Variants in TOMM40 observed in about 807,000 individuals in gnomAD.
TOMM40 encodes mitochondrial import receptor subunit TOM40 homolog.
Under a neutral mutation model 38.4 loss-of-function variants are expected in TOMM40, and 9 were observed. That is an observed-to-expected ratio of 0.23 (90% CI 0.14 to 0.41). TOMM40 has a LOEUF of 0.41. Ranked by LOEUF, TOMM40 falls within the 10% of genes least tolerant of loss-of-function variation. The pLI is 1.00. For missense variants in TOMM40, 299 were observed against 486.5 expected (o/e 0.61, Z 3.63); for synonymous variants, 184 against 210.0 (o/e 0.88, Z 1.07).
At position 44,903,274 on chromosome 19, in the gene TOMM40, TG is replaced by T; in HGVS notation, c.*110del. 8.4e-7 allele frequency: 1 copy of T among 1,194,688 alleles called. No individual in the cohort carries two copies. Among genetic ancestry groups the T allele is most frequent in the Admixed American group, 3.3e-5 (1 of 30,598 alleles). The allele number at this position is 1,194,688 out of a possible 1,614,324, so 74.0% of individuals were successfully genotyped here. On this transcript the variant is annotated 3_prime_UTR_variant, in exon 9 of 9. Transcript: ENST00000426677. ...AGCCCCCCTCCCTTCCCTCCCCCCT[TG>T]GGGGTCGGGGGGGACATTGGAAAGG...
chr19:44,891,560 A>C lies in TOMM40; in HGVS notation c.145A>C (p.Ser49Arg). ...GGGAGGCAGCCTGGGCGCCGGCACC[A>C]GTACGAGTCGAAGTTCGGAACGGAC... The part of the protein sequence containing the change: ...PLGGSLGAGT[S>R]TSRSSERTPG... Residue 49 changes from serine to arginine, a missense_variant, in exon 1 of 9, where the codon AGT (serine) becomes CGT (arginine). Coordinates refer to ENST00000426677, the MANE Select transcript of TOMM40 (RefSeq NM_001128917.2). 2 of 1,437,656 alleles carry C rather than the reference A, an allele frequency of 1.4e-6. No homozygotes were observed. The highest frequency in any genetic ancestry group is 1.8e-6 in the Non-Finnish European group (2 of 1,094,736). The allele number at this position is 1,437,656 out of a possible 1,614,324, so 89.1% of individuals were successfully genotyped here.
chr19:44,900,684 C>T, intron 5 of TOMM40, 46 bp from the exon 6 acceptor site: 2 of 1,611,474 alleles, frequency 1.2e-6, no homozygotes, highest in South Asian at 1.1e-5. Flanking sequence ...TGGAGTCTAG[C>T]CTGGCACTCA....
At chr19:44,898,525 C>CTTTTTTTTTTTTTTTT (rs71173106) in intron 5 of TOMM40, among the ~76,000 whole-genome samples, 32 of 88,986 alleles carry the variant, frequency 3.6e-4, no homozygotes, top group Admixed American at 5.6e-4. Flanking sequence ...TTTTTTTTTT[C>CTTTTTTTTTTTTTTTT]TTTTTTTTTT....
intron 2 of TOMM40, 145 bp from the exon 3 acceptor site, chr19:44,892,692 G>T (rs891197844): frequency 2.5e-6 from 2 of 785,282 alleles, no homozygotes. Flanking sequence ...TGGGCCTACC[G>T]GCAGCACCTC....
At chr19:44,891,798 G>T in intron 1 of TOMM40, 109 bp downstream of exon 1, 1 of 1,146,936 alleles carries the variant, frequency 8.7e-7, no homozygotes, top group Non-Finnish European at 1.1e-6. Flanking sequence ...TTATTTAACA[G>T]CACTAGGAGG....
At chr19:44,900,692 T>C in intron 5 of TOMM40, 38 bp from the exon 6 acceptor site, 1 of 1,611,654 alleles carries the variant, frequency 6.2e-7, no homozygotes, top group Non-Finnish European at 8.5e-7. Context: ...AGCCTGGCAC[T>C]CAGGGTGGGT....
At chr19:44,896,120 G>A (rs1184954111) in intron 5 of TOMM40, among the ~76,000 whole-genome samples, 8 of 152,158 alleles carry the variant, frequency 5.3e-5, no homozygotes, top group South Asian at 2.1e-4. Context: ...CGCCTCGCTC[G>A]CCTGGTCCTT....
intron 5 of TOMM40, among the ~76,000 whole-genome samples, chr19:44,894,910 G>T (rs958985930): frequency 1.3e-5 from 2 of 152,218 alleles, no homozygotes; most frequent in Non-Finnish European, 2.9e-5. Context: ...GTAGAGAGCA[G>T]ACTCCAAAGG....
At chr19:44,892,321 G>T in intron 1 of TOMM40, 72 bp from the exon 2 acceptor site, 1 of 1,422,342 alleles carries the variant, frequency 7.0e-7, no homozygotes, top group Non-Finnish European at 9.9e-7. Context: ...GAGAGCTGGG[G>T]GTGGTAGGGA....
Position 44,891,268 on chromosome 19 carries a change from G to T in TOMM40, c.-148G>T. ...GGCAGCGGGTTCGGTTGCGCGTGGC[G>T]CACGGGGTGGGAGCGGAGCCCAGGC... On this transcript the variant is annotated 5_prime_UTR_variant, in exon 1 of 9. Coordinates refer to ENST00000426677, the MANE Select transcript of TOMM40 (RefSeq NM_001128917.2). 4.4e-6 allele frequency: 5 copies of T among 1,129,618 alleles called. No homozygotes were observed. The South Asian group carries it at 1.8e-4, about 40-fold the overall frequency. 70.0% of individuals were successfully genotyped at this position (1,129,618 alleles called of 1,614,324 possible).
chr19:44,893,030 C>A, intron 3 of TOMM40, 101 bp downstream of exon 3: 1 of 943,614 alleles, frequency 1.1e-6, no homozygotes. Context: ...TCACAGCTAC[C>A]GAGAGCCTGG....
At chr19:44,898,480 C>T (rs1315498548) in intron 5 of TOMM40, among the ~76,000 whole-genome samples, 3 of 149,430 alleles carry the variant, frequency 2.0e-5, no homozygotes, top group Non-Finnish European at 3.0e-5. Flanking sequence ...CCTCTTCCCC[C>T]TTCATTTCTG....
At chr19:44,896,879 A>G (rs1969575671) in intron 5 of TOMM40, among the ~76,000 whole-genome samples, 1 of 152,004 alleles carries the variant, frequency 6.6e-6, no homozygotes, top group South Asian at 2.1e-4. Flanking sequence ...ACATAGCAAT[A>G]CCCTGTCTCT....
Position 44,897,231 on chromosome 19 carries a change from G to A in TOMM40, c.643+3165G>A, listed in dbSNP as rs557614562. Among the ~76,000 whole-genome samples, 6 of 152,222 alleles carry A rather than the reference G, an allele frequency of 3.9e-5. No individual in the cohort carries two copies. The South Asian group carries it at 1.0e-3, about 26-fold the overall frequency. On this transcript the variant is annotated intron_variant, in intron 5 of 8. Coordinates refer to ENST00000426677, the MANE Select transcript of TOMM40 (RefSeq NM_001128917.2). The stretch of plus-strand genomic sequence containing the variant: ...GGAGGCTGTGGGTAGAGAAACTGGG[G>A]GGGTGGCCCAGGAGATGGGAAGGAT...
chr19:44,901,421 C>A, intron 8 of TOMM40, 111 bp downstream of exon 8: 3 of 1,514,190 alleles, frequency 2.0e-6, no homozygotes, highest in South Asian at 1.3e-5. Context: ...ACCCTGTGGG[C>A]CTCCACATTA....
intron 1 of TOMM40, 105 bp from the exon 2 acceptor site, chr19:44,892,288 A>T (rs1969481006): frequency 4.6e-6 from 5 of 1,084,692 alleles, no homozygotes; most frequent in South Asian, 1.3e-5. Flanking sequence ...CCTTTGTGAG[A>T]TGTTCTGCTG....
chr19:44,902,977 G>C, intron 8 of TOMM40, 53 bp from the exon 9 acceptor site: 1 of 1,587,152 alleles, frequency 6.3e-7, no homozygotes. Flanking sequence ...CAGGAACTCT[G>C]CATGGATATG....
Position 44,894,035 on chromosome 19 carries a change from C to T in TOMM40, c.612C>T (p.Thr204=), listed in dbSNP as rs943434047. The T allele has an allele frequency of 3.9e-6, 6 of 1,526,426 alleles. No individual in the cohort carries two copies. The highest frequency in any genetic ancestry group is 1.4e-5 in the African/African-American group (1 of 72,180). 94.6% of individuals were successfully genotyped at this position (1,526,426 alleles called of 1,614,324 possible). ...GCTCTGACTTCACAGCAGCCGTCAC[C>T]CTGGGGAACCCAGACGTCCTCGTGG... The part of the protein sequence containing the change: ...YRGSDFTAAV[T]LGNPDVLVGS... Residue 204 remains threonine (T), a synonymous_variant, in exon 5 of 9, where the codon ACC becomes ACT. Coordinates refer to ENST00000426677, the MANE Select transcript of TOMM40 (RefSeq NM_001128917.2).
At chr19:44,897,761 CA>C (rs1305462457) in intron 5 of TOMM40, among the ~76,000 whole-genome samples, 2 of 126,460 alleles carry the variant, frequency 1.6e-5, no homozygotes, top group Non-Finnish European at 3.3e-5. Context: ...GCAACAAGAG[CA>C]AAACGCCCCA....
Sources: allele counts gnomAD v4.1 joint callset (sites outside exome capture counted in the v4.1 genomes callset), GRCh38; gene constraint gnomAD v4.1.1; transcripts MANE v1.5; gene names NCBI Gene and HGNC (gene_info 2026-07-23, HGNC 2026-07-21).